The following CNTN3 variants were observed in gnomAD, a reference collection of about 807,000 sequenced individuals.
The protein encoded by CNTN3 is contactin-3.
In CNTN3, 60 loss-of-function variants were observed where a neutral mutation model predicts 119.1. The ratio of observed to expected loss-of-function variants is 0.50; its 90% CI spans 0.41 to 0.62. The LOEUF (loss-of-function observed/expected upper bound fraction) is 0.62. CNTN3 is among the 20% of genes least tolerant of loss of function. The probability of loss-of-function intolerance (pLI) is 0.00; values close to 1 mark genes in which losing one functional copy is unlikely to be tolerated. For synonymous variants in CNTN3, 450 were observed against 438.7 expected, an observed-to-expected ratio of 1.03 and a Z score of -0.32; for missense variants, 1,101 against 1,242.4, an observed-to-expected ratio of 0.89 and a Z score of 1.71.
intron 8 of CNTN3, 33 bp downstream of exon 8, chr3:74,369,156 T>G (rs1704273599): frequency 6.6e-7 from 1 of 1,516,978 alleles, no homozygotes; most frequent in Admixed American, 2.2e-5. Context: ...AAGTAAAAGC[T>G]AAAACTCCAA....
intron 4 of CNTN3, among the ~76,000 whole-genome samples, chr3:74,477,811 A>G: frequency 6.6e-6 from 1 of 152,110 alleles, no homozygotes; most frequent in Non-Finnish European, 1.5e-5. Context: ...CCCCATGAAT[A>G]TATACACCTA....
chr3:74,590,282 A>T (rs1023875424), intron 1 of CNTN3, among the ~76,000 whole-genome samples: 3 of 151,994 alleles, frequency 2.0e-5, no homozygotes, highest in African/African-American at 7.2e-5. Context: ...ATTTGCAACC[A>T]GAAGTATACT....
intron 4 of CNTN3, among the ~76,000 whole-genome samples, chr3:74,455,390 A>G (rs1702248320): frequency 6.6e-6 from 1 of 151,732 alleles, no homozygotes; most frequent in Non-Finnish European, 1.5e-5. Context: ...TGGTTATTCT[A>G]GTTATACATT....
chr3:74,474,940 C>T (rs1385165396), intron 4 of CNTN3, among the ~76,000 whole-genome samples: 1 of 152,170 alleles, frequency 6.6e-6, no homozygotes, highest in African/African-American at 2.4e-5. Context: ...TCTTCGCCTT[C>T]TGCCATGATT....
intron 4 of CNTN3, among the ~76,000 whole-genome samples, chr3:74,439,529 A>T (rs370998629): frequency 2.0e-5 from 3 of 152,218 alleles, no homozygotes; most frequent in African/African-American, 7.2e-5. Context: ...ATCTTATATG[A>T]TACTAAAAAA....
chr3:74,279,377 G>A (rs1462536704), intron 20 of CNTN3, among the ~76,000 whole-genome samples: 2 of 152,014 alleles, frequency 1.3e-5, no homozygotes, highest in African/African-American at 4.8e-5. Context: ...ATCAATCAAC[G>A]AGTGGATAAA....
intron 19 of CNTN3, among the ~76,000 whole-genome samples, chr3:74,293,259 T>C (rs1444176672): frequency 5.9e-5 from 9 of 152,206 alleles, no homozygotes; most frequent in Non-Finnish European, 5.9e-5. Flanking sequence ...AGCCCATACT[T>C]TGAGCATCAT....
intron 1 of CNTN3, among the ~76,000 whole-genome samples, chr3:74,595,114 CA>C (rs1397883568): frequency 5.9e-5 from 9 of 151,910 alleles, no homozygotes; most frequent in African/African-American, 2.2e-4. Context: ...AGTGTCTGTT[CA>C]TATACTTTGC....
intron 5 of CNTN3, among the ~76,000 whole-genome samples, chr3:74,377,412 TATC>T (rs1382596279): frequency 6.6e-6 from 1 of 152,162 alleles, no homozygotes; most frequent in Non-Finnish European, 1.5e-5. Context: ...AGAATTTACT[TATC>T]ATAAAAATCT....
chr3:74,555,634 G>A (rs1704057509), intron 1 of CNTN3, among the ~76,000 whole-genome samples: 1 of 152,170 alleles, frequency 6.6e-6, no homozygotes. Flanking sequence ...TCCTGGTTTA[G>A]TCTTGGGAGG....
chr3:74,336,891 T>C (rs1575735166), intron 11 of CNTN3, among the ~76,000 whole-genome samples: 1 of 152,048 alleles, frequency 6.6e-6, no homozygotes, highest in African/African-American at 2.4e-5. Flanking sequence ...ATTTGAACTT[T>C]GTTCAGTATT....
Position 74,387,592 on chromosome 3 carries a change from C to T in CNTN3, c.455-16193G>A, listed in dbSNP as rs1704782652. 3.9e-5 allele frequency among the ~76,000 whole-genome samples: 6 copies of T among 152,272 alleles called. No individual in the cohort carries two copies. The South Asian group carries it at 1.2e-3, about 32-fold the overall frequency. On this transcript the variant is annotated intron_variant, in intron 5 of 22. Transcript: ENST00000263665. ...ATGAGCTGGGAGTTGGTCTATGGGC[C>T]TGAAAAGTGTCAAAAGCTAGCAGTG...
chr3:74,267,373 TG>T lies in CNTN3; in HGVS notation c.2709del (p.Ser904ValfsTer32). ...CAAACAACATTTCCTGGTGGCTGAC[TG>T]GGAGCTTGAAATGCAAAATGAGAAA... ...TVNVTTKKTP[P>X]SQPPGNVVWN... On this transcript the variant is annotated frameshift_variant, in exon 21 of 23. Transcript: ENST00000263665. LOFTEE classifies it high-confidence loss of function. 1.9e-6 allele frequency: 3 copies of T among 1,609,348 alleles called. No homozygotes were observed. Among genetic ancestry groups the T allele is most frequent in the Non-Finnish European group, 2.6e-6 (3 of 1,175,906 alleles).
chr3:74,362,687 G>A (rs552604868), intron 10 of CNTN3, among the ~76,000 whole-genome samples: 3 of 152,034 alleles, frequency 2.0e-5, no homozygotes, highest in African/African-American at 7.2e-5. Context: ...ACATAATATT[G>A]TATCATTGGA....
intron 5 of CNTN3, among the ~76,000 whole-genome samples, chr3:74,410,801 G>A (rs1701425162): frequency 6.6e-6 from 1 of 152,100 alleles, no homozygotes; most frequent in Non-Finnish European, 1.5e-5. Context: ...TACTAGAACA[G>A]ATGCAATGTG....
At chr3:74,384,620 T>G (rs189715236) in intron 5 of CNTN3, among the ~76,000 whole-genome samples, 1 of 152,352 alleles carries the variant, frequency 6.6e-6, no homozygotes, top group East Asian at 1.9e-4. Flanking sequence ...AAACAAGTTG[T>G]CCTGATGATT....
chr3:74,465,072 A>T (rs985704722), intron 4 of CNTN3, among the ~76,000 whole-genome samples: 1 of 152,168 alleles, frequency 6.6e-6, no homozygotes, highest in Non-Finnish European at 1.5e-5. Context: ...TTGCTTTAAT[A>T]TTTCTATTAC....
chr3:74,588,453 A>G (rs1290121883), intron 1 of CNTN3, among the ~76,000 whole-genome samples: 1 of 152,118 alleles, frequency 6.6e-6, no homozygotes, highest in Admixed American at 6.6e-5. Flanking sequence ...AGGAAATAAA[A>G]GAGGATACAA....
chr3:74,525,054 A>C (rs1193736873), intron 1 of CNTN3, among the ~76,000 whole-genome samples: 1 of 151,946 alleles, frequency 6.6e-6, no homozygotes, highest in South Asian at 2.1e-4. Flanking sequence ...GGTTAACTGC[A>C]AGTTTAATCA....
Sources: gnomAD v4.1 joint callset for allele counts (sites outside exome capture counted in the v4.1 genomes callset) on GRCh38, gnomAD v4.1.1 for gene constraint, MANE v1.5 for transcripts, NCBI Gene and HGNC (gene_info 2026-07-23, HGNC 2026-07-21) for gene names.